The following TRIP12 variants were observed in gnomAD, a reference collection of about 807,000 sequenced individuals.
TRIP12 encodes the protein E3 ubiquitin-protein ligase TRIP12.
TRIP12 carries 25 observed loss-of-function variants against 244.2 expected under a neutral mutation model. That is an observed-to-expected ratio of 0.10 (90% confidence interval 0.07 to 0.14). The LOEUF (loss-of-function observed/expected upper bound fraction) is 0.14, where lower values mean the gene tolerates loss of function less well. Among genes scored for constraint, TRIP12 ranks in the 10% least tolerant of loss-of-function variants. The pLI, the probability that TRIP12 is intolerant of heterozygous loss-of-function variation, is 1.00. For missense variants in TRIP12, 1,677 were observed against 2,486.4 expected (o/e 0.67, Z 6.92); for synonymous variants, 905 against 873.1 (o/e 1.04, Z -0.64).
At chr2:229,894,253 G>T (rs1317221956) in intron 1 of TRIP12, 1 of 152,074 alleles carries the variant, frequency 6.6e-6, no homozygotes, top group African/African-American at 2.4e-5. Context: ...GATTATTTGT[G>T]TTTGAAGCTA....
rs1278092812 is a variant in TRIP12 at position 229,795,204 on chromosome 2, G to A, written c.3943C>T (p.Pro1315Ser). The change falls in exon 26 of 42, where the codon CCT becomes TCT. Residue 1315 changes from proline (P) to serine (S), a missense_variant. By Grantham distance (74) the Pro-to-Ser change is moderately conservative (BLOSUM62 -1). Coordinates refer to ENST00000675903, the MANE Select transcript of TRIP12 (RefSeq NM_001348323.3). The stretch of plus-strand genomic sequence containing the variant: ...CTGCCTCCTGTCCCATTTCCACTAG[G>A]GAAATCATGTACTTTGACTGGAAAT... ...EQFPVKVHDF[P>S]SGNGTGGSFS... 16 of 1,613,866 alleles carry A rather than the reference G, an allele frequency of 9.9e-6. No homozygotes were observed. The highest frequency in any genetic ancestry group is 1.4e-5 in the Non-Finnish European group (16 of 1,179,944).
intron 1 of TRIP12, among the ~76,000 whole-genome samples, chr2:229,920,110 C>T (rs2076225068): frequency 6.6e-6 from 1 of 152,198 alleles, no homozygotes; most frequent in Non-Finnish European, 1.5e-5. Flanking sequence ...ATATACAGGC[C>T]TCTTGCCTTT....
intron 2 of TRIP12, among the ~76,000 whole-genome samples, chr2:229,869,439 T>C (rs2154344872): frequency 6.6e-6 from 1 of 152,316 alleles, no homozygotes; most frequent in Non-Finnish European, 1.5e-5. Flanking sequence ...ATAGTTGACA[T>C]ATACCACACC....
intron 1 of TRIP12, among the ~76,000 whole-genome samples, chr2:229,895,533 C>A (rs1000602690): frequency 7.2e-6 from 1 of 138,210 alleles, no homozygotes; most frequent in African/African-American, 2.7e-5. Flanking sequence ...CCAGACATGT[C>A]CTAAGTCAAA....
At chr2:229,804,912 T>A (rs559413693) in intron 18 of TRIP12, among the ~76,000 whole-genome samples, 108 of 152,178 alleles carry the variant, frequency 7.1e-4, no homozygotes, top group South Asian at 3.5e-3. Context: ...TTAATTAATT[T>A]ATTTATTTAT....
At chr2:229,851,999 C>T (rs757568462) in intron 4 of TRIP12, among the ~76,000 whole-genome samples, 1 of 152,180 alleles carries the variant, frequency 6.6e-6, no homozygotes, top group African/African-American at 2.4e-5. Flanking sequence ...TTATTTCCTC[C>T]CTCCGTGCTA....
Position 229,914,182 on chromosome 2 carries a change from G to A in TRIP12, c.-50+7698C>T, listed in dbSNP as rs536004802. On this transcript the variant is annotated intron_variant, in intron 1 of 41. Coordinates refer to ENST00000675903, the MANE Select transcript of TRIP12 (RefSeq NM_001348323.3). ...ATCGCACCACTGCACTCCAGCCTGG[G>A]CGGCAAAGCAAAACTCTGCCTCAAA... 1.7e-3 allele frequency among the ~76,000 whole-genome samples: 257 copies of A among 152,204 alleles called. 2 individuals are homozygous for A. The highest frequency in any genetic ancestry group is 1.0e-4 in the Non-Finnish European group (7 of 68,022).
intron 1 of TRIP12, among the ~76,000 whole-genome samples, chr2:229,909,866 A>T (rs569127008): frequency 6.6e-5 from 10 of 152,082 alleles, no homozygotes; most frequent in African/African-American, 1.4e-4. Flanking sequence ...AAAAACAAAA[A>T]ATATATATAT....
At chr2:229,811,602 C>G (rs1039768650) in intron 13 of TRIP12, among the ~76,000 whole-genome samples, 2 of 152,056 alleles carry the variant, frequency 1.3e-5, no homozygotes, top group African/African-American at 2.4e-5. Context: ...AGGAAAGTTG[C>G]GAGAACCAGA....
intron 1 of TRIP12, among the ~76,000 whole-genome samples, chr2:229,894,914 T>G (rs936794830): frequency 6.6e-6 from 1 of 152,200 alleles, no homozygotes; most frequent in African/African-American, 2.4e-5. Context: ...TCTTAGTGCA[T>G]CTAAATACTT....
At chr2:229,922,334 T>C (rs2076735973), upstream of TRIP12, 2 of 612,870 alleles carry the variant, frequency 3.3e-6, no homozygotes, top group Admixed American at 3.0e-5. Flanking sequence ...GACCTGGAGC[T>C]GGAAATTTCA....
At chr2:229,848,327 C>G (rs1214384460) in intron 4 of TRIP12, among the ~76,000 whole-genome samples, 1 of 123,712 alleles carries the variant, frequency 8.1e-6, no homozygotes, top group Non-Finnish European at 1.7e-5. Flanking sequence ...GCCCCCCCCG[C>G]CCCCCCCACA....
intron 1 of TRIP12, among the ~76,000 whole-genome samples, chr2:229,884,761 G>A (rs947708394): frequency 1.3e-5 from 2 of 152,134 alleles, no homozygotes; most frequent in Non-Finnish European, 2.9e-5. Flanking sequence ...GATCCCAGAA[G>A]TTTGAGGCCA....
chr2:229,777,138 G>C (rs1267353014), intron 37 of TRIP12, among the ~76,000 whole-genome samples, 177 bp downstream of exon 37: 1 of 152,170 alleles, frequency 6.6e-6, no homozygotes, highest in African/African-American at 2.4e-5. Flanking sequence ...CCTGCTGTGA[G>C]TATAGGTCAT....
At chr2:229,802,603 G>A in intron 20 of TRIP12, 144 bp from the exon 21 acceptor site, 11 of 519,322 alleles carry the variant, frequency 2.1e-5, no homozygotes, top group South Asian at 8.6e-5. Context: ...AAAGAAATTA[G>A]GAGCCAGAGT....
chr2:229,892,784 T>C (rs2067693891), intron 1 of TRIP12, among the ~76,000 whole-genome samples: 1 of 152,092 alleles, frequency 6.6e-6, no homozygotes, highest in Non-Finnish European at 1.5e-5. Context: ...GAGGATTGCT[T>C]GAGCCCAGGA....
chr2:229,901,885 T>C (rs903488049), intron 1 of TRIP12, among the ~76,000 whole-genome samples: 1 of 152,116 alleles, frequency 6.6e-6, no homozygotes, highest in Admixed American at 6.5e-5. Context: ...TACCCCACCT[T>C]TCTTCCCTGC....
At chr2:229,815,925 T>C (rs2048383997) in intron 9 of TRIP12, among the ~76,000 whole-genome samples, 1 of 152,228 alleles carries the variant, frequency 6.6e-6, no homozygotes, top group African/African-American at 2.4e-5. Context: ...GATTTCATTT[T>C]AGTTTTTCTT....
chr2:229,775,865 A>T (rs2036084008), intron 37 of TRIP12, among the ~76,000 whole-genome samples: 1 of 151,906 alleles, frequency 6.6e-6, no homozygotes, highest in Non-Finnish European at 1.5e-5. Context: ...GTTGGTTATT[A>T]TAATAAGTCA....
Sources: gnomAD v4.1 joint callset for allele counts (sites outside exome capture counted in the v4.1 genomes callset) on GRCh38, gnomAD v4.1.1 for gene constraint, MANE v1.5 for transcripts, NCBI Gene and HGNC (gene_info 2026-07-23, HGNC 2026-07-21) for gene names.